Variants in RAB38 observed in about 807,000 individuals in gnomAD.
RAB38 encodes the protein RAB38, member RAS oncogene family.
Under a neutral mutation model 18.4 loss-of-function variants are expected in RAB38, and 15 were observed. That is an observed-to-expected ratio of 0.82 (90% confidence interval 0.55 to 1.26). The LOEUF is 1.26. RAB38 is among the 50% of genes most tolerant of loss of function. The pLI, the probability that RAB38 is intolerant of heterozygous loss-of-function variation, is 0.00. For synonymous variants in RAB38, 101 were observed against 104.4 expected (o/e 0.97, Z 0.20); for missense variants, 294 against 267.4 (o/e 1.10, Z -0.69).
chr11:88,037,167 T>C, the RAB38 span, among the ~76,000 whole-genome samples: 1 of 152,088 alleles, frequency 6.6e-6, no homozygotes, highest in Non-Finnish European at 1.5e-5. Context: ...TGTTGAAACA[T>C]TCTATTACAA....
the RAB38 span, among the ~76,000 whole-genome samples, chr11:88,041,171 T>C: frequency 6.6e-6 from 1 of 152,208 alleles, no homozygotes; most frequent in Non-Finnish European, 1.5e-5. Flanking sequence ...ACCAGTTACA[T>C]CTGCTTACTA....
chr11:88,127,235 A>AG (rs1942709465), intron 2 of RAB38, among the ~76,000 whole-genome samples: 1 of 152,200 alleles, frequency 6.6e-6, no homozygotes, highest in African/African-American at 2.4e-5. Flanking sequence ...GGAATGCATG[A>AG]GGGGAACTAA....
chr11:88,128,402 A>G (rs575572251), intron 2 of RAB38, among the ~76,000 whole-genome samples: 2 of 152,342 alleles, frequency 1.3e-5, no homozygotes, highest in East Asian at 1.9e-4. Context: ...GCATTTGTTA[A>G]GCAATCATCA....
chr11:88,119,838 T>G (rs1292186650), intron 2 of RAB38, among the ~76,000 whole-genome samples: 2 of 152,118 alleles, frequency 1.3e-5, no homozygotes, highest in African/African-American at 4.8e-5. Context: ...CTGTGAAATT[T>G]TAATTAGAGC....
At chr11:87,862,743 A>C in the RAB38 span, among the ~76,000 whole-genome samples, 2 of 151,880 alleles carry the variant, frequency 1.3e-5, no homozygotes, top group Non-Finnish European at 2.9e-5. Flanking sequence ...ATCACATATA[A>C]ACCTTGACCC....
At chr11:88,024,531 G>C in the RAB38 span, among the ~76,000 whole-genome samples, 1 of 152,108 alleles carries the variant, frequency 6.6e-6, no homozygotes, top group African/African-American at 2.4e-5. Flanking sequence ...TTCCGTTGCT[G>C]GGTATATACC....
At chr11:88,025,975 T>C in the RAB38 span, among the ~76,000 whole-genome samples, 32 of 152,166 alleles carry the variant, frequency 2.1e-4, no homozygotes, top group African/African-American at 6.7e-4. Context: ...TTTCCTATGT[T>C]TTCTTCTAAA....
the RAB38 span, among the ~76,000 whole-genome samples, chr11:87,922,423 T>G: frequency 1.3e-5 from 2 of 152,050 alleles, no homozygotes; most frequent in Non-Finnish European, 2.9e-5. Context: ...AGTTTTTGTT[T>G]TTCCTCTGTG....
the RAB38 span, among the ~76,000 whole-genome samples, chr11:87,958,530 A>G: frequency 6.6e-6 from 1 of 152,142 alleles, no homozygotes; most frequent in Non-Finnish European, 1.5e-5. Flanking sequence ...GCTCTTAGCA[A>G]TGTTATGATA....
At chr11:88,053,052 AAT>A in the RAB38 span, among the ~76,000 whole-genome samples, 101 of 129,692 alleles carry the variant, frequency 7.8e-4, 7 homozygotes, top group East Asian at 0.014. Context: ...ACATATATGG[AAT>A]ATATATATTA....
chr11:88,120,158 C>T (rs1942611642), intron 2 of RAB38, among the ~76,000 whole-genome samples: 1 of 152,156 alleles, frequency 6.6e-6, no homozygotes, highest in African/African-American at 2.4e-5. Flanking sequence ...ATGTTTCAGA[C>T]ATTATTCTCA....
At chr11:87,966,807 G>T in the RAB38 span, among the ~76,000 whole-genome samples, 1 of 152,182 alleles carries the variant, frequency 6.6e-6, no homozygotes, top group Non-Finnish European at 1.5e-5. Flanking sequence ...TAGGGTCTGG[G>T]AATTGGATCA....
At chr11:87,830,199 GGCCAGGTGAAGTGACTCAT>G in the RAB38 span, among the ~76,000 whole-genome samples, 1 of 152,044 alleles carries the variant, frequency 6.6e-6, no homozygotes, top group Non-Finnish European at 1.5e-5. Context: ...ACTAACAATC[GGCCAGGTGAAGTGACTCAT>G]GCCTATAATC....
chr11:88,111,176 C>T (rs999660247), downstream of RAB38, among the ~76,000 whole-genome samples: 4 of 152,148 alleles, frequency 2.6e-5, no homozygotes, highest in African/African-American at 9.7e-5. Context: ...AGACATTTAT[C>T]CCTGAGAGTA....
At chr11:88,073,238 G>A in the RAB38 span, among the ~76,000 whole-genome samples, 1 of 152,098 alleles carries the variant, frequency 6.6e-6, no homozygotes, top group Non-Finnish European at 1.5e-5. Flanking sequence ...CTGCAGCCCT[G>A]GAAACTCTGC....
chr11:87,937,311 C>T, the RAB38 span, among the ~76,000 whole-genome samples: 5 of 82,690 alleles, frequency 6.0e-5, no homozygotes, highest in African/African-American at 8.7e-5. Flanking sequence ...ACTTGGTCAT[C>T]ATATATATAT....
At chr11:87,922,185 T>A in the RAB38 span, among the ~76,000 whole-genome samples, 1 of 152,010 alleles carries the variant, frequency 6.6e-6, no homozygotes, top group Non-Finnish European at 1.5e-5. Context: ...TGTGTCACTT[T>A]GGATGGTAAT....
the RAB38 span, among the ~76,000 whole-genome samples, chr11:87,942,884 C>A: frequency 6.6e-6 from 1 of 152,106 alleles, no homozygotes; most frequent in Non-Finnish European, 1.5e-5. Context: ...CCATTGAGCT[C>A]TAACTCTGTA....
the RAB38 span, among the ~76,000 whole-genome samples, chr11:88,068,735 A>C: frequency 6.6e-6 from 1 of 152,260 alleles, no homozygotes; most frequent in Admixed American, 6.5e-5. Flanking sequence ...TGTTTGTGCA[A>C]GAGAATTGTG....
Sources: allele counts gnomAD v4.1 joint callset (sites outside exome capture counted in the v4.1 genomes callset), GRCh38; gene constraint gnomAD v4.1.1; transcripts MANE v1.5; gene names NCBI Gene and HGNC (gene_info 2026-07-23, HGNC 2026-07-21).